ELP4: variants seen among roughly 807,000 people sequenced by gnomAD.
The protein encoded by ELP4 is elongator acetyltransferase complex subunit 4, also known as elongator complex protein 4.
Under a neutral mutation model 48.9 loss-of-function variants are expected in ELP4, and 51 were observed. The observed-to-expected ratio is 1.04, with a 90% CI of 0.83 to 1.32. The LOEUF (loss-of-function observed/expected upper bound fraction) is 1.32, where lower values mean the gene tolerates loss of function less well. Ranked by LOEUF, ELP4 falls within the 40% of genes most tolerant of loss-of-function variation. The pLI is 0.00. For missense variants in ELP4, 519 were observed against 514.6 expected, an observed-to-expected ratio of 1.01 and a Z score of -0.08; for synonymous variants, 210 against 189.2, an observed-to-expected ratio of 1.11 and a Z score of -0.90.
rs1327602201 is a variant in ELP4 at position 31,789,764 on chromosome 11, G to T, written c.*6240G>T. The T allele has an allele frequency of 4.1e-6, 3 of 722,988 alleles. No individual in the cohort carries two copies. Among genetic ancestry groups the T allele is most frequent in the Admixed American group, 4.0e-5 (2 of 50,016 alleles). 44.8% of individuals were successfully genotyped at this position (722,988 alleles called of 1,614,324 possible). A position where few individuals can be genotyped will look rare whatever the true frequency, so the allele number is the denominator to read the frequency against. On this transcript the variant is annotated 3_prime_UTR_variant, in exon 10 of 10. Transcript: ENST00000640961. ...GTGCCTTCTGTATACAAAGGTCCTT[G>T]TTTCAAGTCCATTCCTTCCCCAGTG...
chr11:31,560,700 A>ATAAAACAACG (rs1158149283), intron 3 of ELP4, among the ~76,000 whole-genome samples: 3 of 147,644 alleles, frequency 2.0e-5, no homozygotes, highest in African/African-American at 7.4e-5. Context: ...TTATATATAT[A>ATAAAACAACG]TAAAACAACG....
At chr11:31,605,129 T>C (rs1957850525) in intron 5 of ELP4, among the ~76,000 whole-genome samples, 1 of 152,058 alleles carries the variant, frequency 6.6e-6, no homozygotes, top group Admixed American at 6.6e-5. Flanking sequence ...AAGATTTTGG[T>C]GTCTTTCACC....
At chr11:31,560,684 A>ATTGTTTTATATATATATAAAACAACG (rs1212718517) in intron 3 of ELP4, among the ~76,000 whole-genome samples, 33,917 of 107,856 alleles carry the variant, frequency 0.31, 9,137 homozygotes, top group Non-Finnish European at 0.38. Context: ...TAAAGACCAC[A>ATTGTTTTATATATATATAAAACAACG]TTGTTTTATA....
chr11:31,630,051 A>G (rs1454445328), intron 6 of ELP4, among the ~76,000 whole-genome samples: 1 of 151,936 alleles, frequency 6.6e-6, no homozygotes, highest in African/African-American at 2.4e-5. Flanking sequence ...GCAGAAATAA[A>G]AAGAAAACAA....
intron 9 of ELP4, among the ~76,000 whole-genome samples, chr11:31,713,121 TCTG>T (rs1272354839): frequency 2.0e-5 from 3 of 152,190 alleles, no homozygotes; most frequent in African/African-American, 7.2e-5. Context: ...CTCAATTACT[TCTG>T]CTGAATTTTC....
intron 7 of ELP4, among the ~76,000 whole-genome samples, chr11:31,638,056 A>C (rs1481609887): frequency 6.6e-6 from 1 of 151,908 alleles, no homozygotes; most frequent in Non-Finnish European, 1.5e-5. Flanking sequence ...AATTAATAAA[A>C]TTAGAAATGG....
At chr11:31,530,784 T>G (rs147532891) in intron 2 of ELP4, among the ~76,000 whole-genome samples, 2 of 152,306 alleles carry the variant, frequency 1.3e-5, no homozygotes, top group East Asian at 3.9e-4. Context: ...CCATTTCTCA[T>G]TGTCACATAC....
At chr11:31,657,752 A>C (rs1945468281) in intron 9 of ELP4, among the ~76,000 whole-genome samples, 1 of 151,970 alleles carries the variant, frequency 6.6e-6, no homozygotes, top group Non-Finnish European at 1.5e-5. Context: ...CCAAAGTCAT[A>C]CATCTGTGGT....
chr11:31,611,783 AT>A (rs563961480), intron 5 of ELP4, among the ~76,000 whole-genome samples: 21 of 152,256 alleles, frequency 1.4e-4, no homozygotes, highest in Middle Eastern at 3.4e-3. Flanking sequence ...AAAGCACATA[AT>A]TTTTTTTAAA....
intron 3 of ELP4, among the ~76,000 whole-genome samples, chr11:31,578,878 G>T (rs916713540): frequency 1.2e-4 from 18 of 152,266 alleles, no homozygotes; most frequent in African/African-American, 4.3e-4. Flanking sequence ...CATAGGCATG[G>T]GCAAGGACTT....
chr11:31,697,481 A>G (rs1029981943), intron 9 of ELP4, among the ~76,000 whole-genome samples: 1 of 152,118 alleles, frequency 6.6e-6, no homozygotes, highest in African/African-American at 2.4e-5. Flanking sequence ...TCATCTTACT[A>G]AAATTCTAGG....
intron 9 of ELP4, chr11:31,763,572 G>A (rs769080826): frequency 2.2e-5 from 34 of 1,556,016 alleles, no homozygotes; most frequent in Admixed American, 5.6e-5. Context: ...CCTTTTTTCA[G>A]CTAAAGCTTC....
intron 9 of ELP4, among the ~76,000 whole-genome samples, chr11:31,720,593 T>C (rs1217248134): frequency 6.6e-6 from 1 of 152,192 alleles, no homozygotes; most frequent in Non-Finnish European, 1.5e-5. Context: ...ACTTTTTAAG[T>C]TTTCTGATAG....
In ELP4 at chr11:31,579,191, T is replaced by C. The variant is rs542164118; in HGVS notation, c.382-15579T>C. Among the ~76,000 whole-genome samples the C allele has an allele frequency of 1.2e-4, 18 of 152,250 alleles. No individual in the cohort carries two copies. The East Asian group carries it at 1.5e-3, about 13-fold the overall frequency. On this transcript the variant is annotated intron_variant, in intron 3 of 9. Transcript: ENST00000640961. The stretch of plus-strand genomic sequence containing the variant: ...CAACAGACACATGAAAAAATGCTCG[T>C]CATCACTGGCCATCAGAGAAATGCA...
In ELP4 at chr11:31,532,153, T is replaced by G. The variant is rs1290578901; in HGVS notation, c.260-7509T>G. Reference sequence around the variant, plus strand: ...GAAACCTCAAGCCCAAAGGAAATGGTTACCAAATAACTTAACGAATTAGCA... The same window carrying G: ...GAAACCTCAAGCCCAAAGGAAATGGGTACCAAATAACTTAACGAATTAGCA... On this transcript the variant is annotated intron_variant, in intron 2 of 9. Coordinates refer to ENST00000640961, the MANE Select transcript of ELP4 (RefSeq NM_019040.5). 7.2e-5 allele frequency among the ~76,000 whole-genome samples: 11 copies of G among 152,116 alleles called. 1 individual carries two copies. Among genetic ancestry groups the G allele is most frequent in the Admixed American group, 5.2e-4 (8 of 15,258 alleles).
intron 7 of ELP4, among the ~76,000 whole-genome samples, chr11:31,641,573 G>A (rs1945098162): frequency 6.6e-6 from 1 of 151,662 alleles, no homozygotes; most frequent in Non-Finnish European, 1.5e-5. Flanking sequence ...CTGAAAGGGG[G>A]GCACCTTACA....
At chr11:31,553,355 G>A (rs1956880965) in intron 3 of ELP4, among the ~76,000 whole-genome samples, 2 of 152,126 alleles carry the variant, frequency 1.3e-5, no homozygotes, top group African/African-American at 2.4e-5. Context: ...GGTAGACTGA[G>A]TAAAGTAGAT....
chr11:31,528,160 C>T (rs917646126), intron 2 of ELP4, among the ~76,000 whole-genome samples: 3 of 152,056 alleles, frequency 2.0e-5, no homozygotes, highest in African/African-American at 7.2e-5. Flanking sequence ...ACTTACTACA[C>T]ATTTTTTACA....
intron 2 of ELP4, among the ~76,000 whole-genome samples, chr11:31,530,206 G>C (rs1447467601): frequency 6.6e-6 from 1 of 152,194 alleles, no homozygotes; most frequent in Non-Finnish European, 1.5e-5. Context: ...TAACTGGACA[G>C]TTCCAAGTTT....
Sources: allele counts gnomAD v4.1 joint callset (sites outside exome capture counted in the v4.1 genomes callset), GRCh38; gene constraint gnomAD v4.1.1; transcripts MANE v1.5; gene names NCBI Gene and HGNC (gene_info 2026-07-23, HGNC 2026-07-21).